Variants in KSR2 observed in about 807,000 individuals in gnomAD.
KSR2 encodes kinase suppressor of ras 2.
A neutral mutation model predicts 107.8 loss-of-function variants in KSR2; 25 were observed. That is an observed-to-expected ratio of 0.23 (90% confidence interval 0.17 to 0.32). The LOEUF is 0.32. KSR2 is among the 10% of genes least tolerant of loss of function. The pLI is 1.00. For missense variants in KSR2, 887 were observed against 1,268.9 expected (o/e 0.70, Z 4.57); for synonymous variants, 480 against 507.0 (o/e 0.95, Z 0.71).
chr12:117,569,502 G>A (rs1264045100), intron 7 of KSR2, among the ~76,000 whole-genome samples: 2 of 152,206 alleles, frequency 1.3e-5, no homozygotes, highest in African/African-American at 4.8e-5. Context: ...GGTTAACTCA[G>A]GCTTCCAAAC....
intron 5 of KSR2, among the ~76,000 whole-genome samples, chr12:117,603,411 T>A (rs779059388): frequency 3.9e-5 from 6 of 152,238 alleles, no homozygotes; most frequent in Admixed American, 1.3e-4. Flanking sequence ...CTTTGTAACC[T>A]TGTTTTTGGC....
At chr12:117,527,679 T>C (rs573207757) in intron 12 of KSR2, among the ~76,000 whole-genome samples, 69 of 152,148 alleles carry the variant, frequency 4.5e-4, no homozygotes, top group Non-Finnish European at 8.8e-5. Context: ...GGATATAGAA[T>C]TGAAACTGGC....
intron 5 of KSR2, among the ~76,000 whole-genome samples, chr12:117,628,036 T>C (rs1027067828): frequency 6.6e-6 from 1 of 152,238 alleles, no homozygotes; most frequent in Non-Finnish European, 1.5e-5. Context: ...TCTCGTGCCA[T>C]GGTTTTCAGC....
In KSR2 at chr12:117,968,311, G is replaced by T; in HGVS notation, c.-56C>A. 4.1e-6 allele frequency: 6 copies of T among 1,456,366 alleles called. 1 individual carries two copies. The South Asian group carries it at 5.8e-5, about 14-fold the overall frequency. 90.2% of individuals were successfully genotyped at this position (1,456,366 alleles called of 1,614,324 possible). On this transcript the variant is annotated 5_prime_UTR_variant, in exon 1 of 20. Transcript: ENST00000339824. ...CTCCTCCCAGAGAGAAAAAAGAGGG[G>T]GGGGAGTAGAGGTAGTCTACCCTCC...
chr12:117,908,897 T>A (rs1429331190), intron 1 of KSR2, among the ~76,000 whole-genome samples: 1 of 152,218 alleles, frequency 6.6e-6, no homozygotes, highest in Non-Finnish European at 1.5e-5. Context: ...ATTTAATTTA[T>A]TCTGTATCAC....
chr12:117,599,322 T>C (rs1358161884), intron 5 of KSR2, among the ~76,000 whole-genome samples: 1 of 152,116 alleles, frequency 6.6e-6, no homozygotes, highest in African/African-American at 2.4e-5. Flanking sequence ...AGGTCACTGG[T>C]TCCCAAACTT....
chr12:117,605,444 A>G (rs1236794355), intron 5 of KSR2, among the ~76,000 whole-genome samples: 1 of 152,150 alleles, frequency 6.6e-6, no homozygotes, highest in Non-Finnish European at 1.5e-5. Context: ...GGCTTGTTAC[A>G]TAGGTAAATG....
At chr12:117,508,665 AC>A (rs1438585521) in intron 14 of KSR2, among the ~76,000 whole-genome samples, 1 of 151,474 alleles carries the variant, frequency 6.6e-6, no homozygotes, top group African/African-American at 2.4e-5. Context: ...GGATAGGTGG[AC>A]TGACAGGATG....
At chr12:117,589,705 A>G (rs2136264123) in intron 5 of KSR2, among the ~76,000 whole-genome samples, 1 of 152,366 alleles carries the variant, frequency 6.6e-6, no homozygotes, top group East Asian at 1.9e-4. Flanking sequence ...TCATGATATC[A>G]TTCACATAGC....
intron 1 of KSR2, among the ~76,000 whole-genome samples, chr12:117,946,715 A>ATTAGTATT (rs1226727963): frequency 1.3e-5 from 2 of 152,326 alleles, no homozygotes; most frequent in East Asian, 3.9e-4. Context: ...GACAAAAAAA[A>ATTAGTATT]TTCTCAGCAA....
At chr12:117,926,064 G>A (rs1227710650) in intron 1 of KSR2, among the ~76,000 whole-genome samples, 1 of 152,132 alleles carries the variant, frequency 6.6e-6, no homozygotes, top group Non-Finnish European at 1.5e-5. Flanking sequence ...AGGCGTGGTG[G>A]TGCACCCCTG....
chr12:117,803,969 G>A (rs1842276510), intron 3 of KSR2, among the ~76,000 whole-genome samples: 1 of 152,144 alleles, frequency 6.6e-6, no homozygotes, highest in East Asian at 1.9e-4. Flanking sequence ...ACCGTATAAG[G>A]GGTTAACAAA....
intron 1 of KSR2, among the ~76,000 whole-genome samples, chr12:117,927,332 T>C (rs1014931775): frequency 4.0e-5 from 6 of 151,510 alleles, no homozygotes; most frequent in Non-Finnish European, 5.9e-5. Context: ...GCTGAGGTCA[T>C]GCCACTGCAC....
At chr12:117,949,659 T>C (rs1383485833) in intron 1 of KSR2, among the ~76,000 whole-genome samples, 2 of 152,200 alleles carry the variant, frequency 1.3e-5, no homozygotes, top group Non-Finnish European at 2.9e-5. Context: ...AAAAAGTACA[T>C]GATGTATGAT....
At chr12:117,740,936 G>A (rs190671923) in intron 4 of KSR2, among the ~76,000 whole-genome samples, 40 of 152,246 alleles carry the variant, frequency 2.6e-4, no homozygotes, top group Non-Finnish European at 4.3e-4. Context: ...GATCTTCTTG[G>A]GGGAATCCCC....
intron 1 of KSR2, among the ~76,000 whole-genome samples, chr12:117,946,394 G>C (rs1447516692): frequency 6.6e-6 from 1 of 151,978 alleles, no homozygotes; most frequent in Non-Finnish European, 1.5e-5. Flanking sequence ...AGAACGAAAA[G>C]AGGAGTATCA....
intron 4 of KSR2, among the ~76,000 whole-genome samples, chr12:117,737,575 GAGTTTGAGACC>G (rs1887993231): frequency 1.3e-5 from 2 of 152,082 alleles, no homozygotes; most frequent in Non-Finnish European, 2.9e-5. Flanking sequence ...TTGAGGTCAG[GAGTTTGAGACC>G]AGCTTGGGCA....
At chr12:117,711,359 A>G (rs184561287) in intron 4 of KSR2, among the ~76,000 whole-genome samples, 1 of 152,358 alleles carries the variant, frequency 6.6e-6, no homozygotes, top group Admixed American at 6.5e-5. Context: ...GAGAGAAGAC[A>G]TGTGCAAAGG....
chr12:117,857,910 C>T (rs1026350257), intron 2 of KSR2, among the ~76,000 whole-genome samples: 2 of 152,210 alleles, frequency 1.3e-5, no homozygotes, highest in African/African-American at 2.4e-5. Context: ...AGAAACCCCA[C>T]GTCTTCTCCC....
Sources: allele counts gnomAD v4.1 joint callset (sites outside exome capture counted in the v4.1 genomes callset), GRCh38; gene constraint gnomAD v4.1.1; transcripts MANE v1.5; gene names NCBI Gene and HGNC (gene_info 2026-07-23, HGNC 2026-07-21).